The following COG4 variants were observed in gnomAD, a reference collection of about 807,000 sequenced individuals.
The protein encoded by COG4 is conserved oligomeric Golgi complex subunit 4.
In COG4, 65 loss-of-function variants were observed where a neutral mutation model predicts 95.1. The observed-to-expected ratio is 0.68, with a 90% CI of 0.56 to 0.84. COG4 has a LOEUF of 0.84. Ranked by LOEUF, COG4 falls within the 40% of genes least tolerant of loss-of-function variation. COG4 has a pLI of 0.00. For missense variants in COG4, 1,045 were observed against 989.1 expected (o/e 1.06, Z -0.76); for synonymous variants, 421 against 374.8 (o/e 1.12, Z -1.42).
Position 70,482,108 on chromosome 16 carries a change from T to C in COG4, c.1988A>G (p.Gln663Arg). 6.2e-7 allele frequency: 1 copy of C among 1,613,914 alleles called. No homozygotes were observed. Among genetic ancestry groups the C allele is most frequent in the Non-Finnish European group, 8.5e-7 (1 of 1,179,810 alleles). ...VQQFILNLEQ[Q>R]MAEFKASLSP... ...CCTGCTCACCTTGAACTCTGCCATT[T>C]GCTGCTCCAGGTTAAGGATGAACTG... The change falls in exon 16 of 19, where the codon CAA (glutamine) becomes CGA (arginine). Residue 663 changes from glutamine (Q) to arginine (R), a missense_variant. Coordinates refer to ENST00000323786, the MANE Select transcript of COG4 (RefSeq NM_015386.3).
intron 13 of COG4, among the ~76,000 whole-genome samples, chr16:70,488,684 A>C (rs1161603675): frequency 6.6e-6 from 1 of 152,154 alleles, no homozygotes; most frequent in Non-Finnish European, 1.5e-5. Flanking sequence ...AGTAGCTGGG[A>C]TTATGGGCAC....
At chr16:70,521,519 G>A (rs2049942373) in intron 1 of COG4, among the ~76,000 whole-genome samples, 2 of 151,974 alleles carry the variant, frequency 1.3e-5, no homozygotes, top group Admixed American at 6.6e-5. Context: ...ACCAAGCCCG[G>A]CCATATACAT....
chr16:70,512,178 G>T, intron 5 of COG4, 61 bp downstream of exon 5: 1 of 1,485,416 alleles, frequency 6.7e-7, no homozygotes, highest in Non-Finnish European at 9.4e-7. Context: ...GATCCATCCA[G>T]TGCCCCAATC....
intron 1 of COG4, 78 bp from the exon 2 acceptor site, chr16:70,519,809 G>T: frequency 9.5e-7 from 1 of 1,057,542 alleles, no homozygotes; most frequent in East Asian, 2.4e-5. Flanking sequence ...TCACTTAGCT[G>T]AAGGGTGAAT....
chr16:70,522,573 C>A (rs1434226652), intron 1 of COG4, among the ~76,000 whole-genome samples: 1 of 152,242 alleles, frequency 6.6e-6, no homozygotes, highest in Non-Finnish European at 1.5e-5. Flanking sequence ...ATCACCTCTC[C>A]CTCAGGCTGA....
rs1268908628 is a variant in COG4, at chr16:70,514,509, T to C, written c.370A>G (p.Asn124Asp). 1.5e-5 allele frequency: 24 copies of C among 1,613,758 alleles called. No individual in the cohort carries two copies. Among genetic ancestry groups the C allele is most frequent in the Non-Finnish European group, 1.9e-5 (23 of 1,179,970 alleles). ...CTCTGAATGGCCTGATAGAGGCGGT[T>C]CTGCAAAAAGATTTGGTACTTACAA... ...SKVRQLDLAK[N>D]RLYQAIQRAD... is the part of the protein sequence containing the mutation. Residue 124 changes from asparagine (N) to aspartate (D), a missense_variant and splice_region_variant, in exon 4 of 19, where the codon AAC (asparagine) becomes GAC (aspartate). Transcript: ENST00000323786.
chr16:70,503,038 G>T (rs566612088), intron 8 of COG4, among the ~76,000 whole-genome samples: 109 of 152,216 alleles, frequency 7.2e-4, no homozygotes, highest in African/African-American at 2.6e-3. Flanking sequence ...TGAAGTCCAA[G>T]AGGTCTTTTC....
At chr16:70,498,553 G>C (rs536077279) in intron 9 of COG4, among the ~76,000 whole-genome samples, 4 of 152,102 alleles carry the variant, frequency 2.6e-5, no homozygotes, top group African/African-American at 9.6e-5. Context: ...TTGAACTCCT[G>C]ACCTTAGGTG....
rs563498438 is a variant in COG4 at position 70,489,888 on chromosome 16, G to A, written c.1710+442C>T. On this transcript the variant is annotated intron_variant, in intron 13 of 18. Transcript: ENST00000323786. ...GCTGGAGTGCAGTGGCACGATCTCA[G>A]CTCACTGCAACCTCTGCCTCCCGGG... 2.0e-5 allele frequency among the ~76,000 whole-genome samples: 3 copies of A among 152,294 alleles called. 1 individual carries two copies. The South Asian group carries it at 6.2e-4, about 32-fold the overall frequency.
At chr16:70,521,555 C>G (rs1233177830) in intron 1 of COG4, among the ~76,000 whole-genome samples, 1 of 151,922 alleles carries the variant, frequency 6.6e-6, no homozygotes, top group Non-Finnish European at 1.5e-5. Flanking sequence ...TCTGTAGGTT[C>G]CAGAGGAAAA....
intron 8 of COG4, among the ~76,000 whole-genome samples, chr16:70,503,597 T>TAAGGTCTCAGATCTAAGGTCA (rs1567384670): frequency 2.0e-4 from 8 of 40,070 alleles, no homozygotes; most frequent in African/African-American, 1.3e-3. Flanking sequence ...TACTTACTCT[T>TAAGGTCTCAGATCTAAGGTCA]TTTTTTTTTT....
intron 8 of COG4, chr16:70,501,406 T>A: frequency 3.0e-6 from 1 of 331,034 alleles, no homozygotes; most frequent in Non-Finnish European, 5.9e-6. Context: ...CAGGCTGGAG[T>A]GCAGTGGCTC....
At position 70,509,997 on chromosome 16, in the gene COG4, G is replaced by A. The variant is rs1428606023; in HGVS notation, c.763C>T (p.Leu255=). Residue 255 remains leucine, a synonymous_variant, in exon 6 of 19, where the codon CTG becomes TTG. Transcript: ENST00000323786. ...ATGTCTGTCCCCAGCACCATGAGCAGATTCTCCTCAGCTTTACTGGCCACC... is the reference window on the plus strand; with the variant it reads ...ATGTCTGTCCCCAGCACCATGAGCAAATTCTCCTCAGCTTTACTGGCCACC... ...KQVASKAEEN[L]LMVLGTDMSD... 2.5e-5 allele frequency: 40 copies of A among 1,613,862 alleles called. No homozygotes were observed. The highest frequency in any genetic ancestry group is 3.1e-5 in the Non-Finnish European group (37 of 1,179,916).
At chr16:70,489,697 C>T (rs1248043476) in intron 13 of COG4, among the ~76,000 whole-genome samples, 1 of 151,862 alleles carries the variant, frequency 6.6e-6, no homozygotes, top group Non-Finnish European at 1.5e-5. Context: ...CATTAGGCTA[C>T]CCAAGAAACA....
chr16:70,480,838 C>A lies in COG4; in HGVS notation c.*172G>T, dbSNP rs1459230985. 2.7e-6 allele frequency: 2 copies of A among 735,922 alleles called. No individual in the cohort carries two copies. The allele number at this position is 735,922 out of a possible 1,614,324, so 45.6% of individuals were successfully genotyped here. On this transcript the variant is annotated 3_prime_UTR_variant, in exon 19 of 19. Transcript: ENST00000323786. ...CCCCCAGAGCATCACCTGGCCAGGT[C>A]TGAGGGCAGAGCATGGAGTGGGTCC...
intron 10 of COG4, 79 bp downstream of exon 10, chr16:70,497,858 G>T: frequency 1.2e-6 from 1 of 853,408 alleles, no homozygotes; most frequent in Non-Finnish European, 2.1e-6. Flanking sequence ...CAATAAATAT[G>T]ACATGCCTCA....
chr16:70,521,941 T>A (rs1161997715), intron 1 of COG4, among the ~76,000 whole-genome samples: 2 of 151,586 alleles, frequency 1.3e-5, no homozygotes, highest in African/African-American at 4.9e-5. Context: ...GACCTCGTGA[T>A]CCATCTGCCT....
rs201370408 is a variant in COG4 at position 70,523,393 on chromosome 16, C to G, written c.151G>C (p.Glu51Gln). The G allele has an allele frequency of 2.1e-5, 34 of 1,614,170 alleles. No homozygotes were observed. In the East Asian group the frequency reaches 6.5e-4, roughly 31 times the overall value. The change falls in exon 1 of 19, where the codon GAA (glutamate) becomes CAA (glutamine). Residue 51 changes from glutamate (E) to glutamine (Q), a missense_variant. Glu to Gln is a conservative substitution (Grantham distance 29, BLOSUM62 2). Coordinates refer to ENST00000323786, the MANE Select transcript of COG4 (RefSeq NM_015386.3). ...CGCACCTCCTCGCCGCAGAGCCGTT[C>G]GTATACAGCCTCCAGCTCCTGCAGC... ...TELQELEAVY[E>Q]RLCGEEKVVE...
Position 70,518,018 on chromosome 16 carries a change from C to T in COG4, c.255-278G>A, listed in dbSNP as rs1037888299. On this transcript the variant is annotated intron_variant, in intron 2 of 18. Coordinates refer to ENST00000323786, the MANE Select transcript of COG4 (RefSeq NM_015386.3). Reference sequence around the variant, plus strand: ...CAATCTCAGCTCACTGCAACCTCCGCCTCCCGGGTTCAAGCGATTCTCCTG... The same window carrying T: ...CAATCTCAGCTCACTGCAACCTCCGTCTCCCGGGTTCAAGCGATTCTCCTG... 5.9e-5 allele frequency among the ~76,000 whole-genome samples: 9 copies of T among 152,122 alleles called. No individual in the cohort carries two copies. The East Asian group carries it at 1.5e-3, about 26-fold the overall frequency.
Sources: allele counts gnomAD v4.1 joint callset (sites outside exome capture counted in the v4.1 genomes callset), GRCh38; gene constraint gnomAD v4.1.1; transcripts MANE v1.5; gene names NCBI Gene and HGNC (gene_info 2026-07-23, HGNC 2026-07-21).